Variants in KMT2D observed in about 807,000 individuals in gnomAD.
KMT2D encodes the protein lysine methyltransferase 2D.
In KMT2D, 55 loss-of-function variants were observed where a neutral mutation model predicts 512.7. That is an observed-to-expected ratio of 0.11 (90% CI 0.09 to 0.13). The LOEUF (loss-of-function observed/expected upper bound fraction) is 0.13, where lower values mean the gene tolerates loss of function less well. Ranked by LOEUF, KMT2D falls within the 10% of genes least tolerant of loss-of-function variation. The pLI is 1.00. For missense variants in KMT2D, 6,061 were observed against 7,127.9 expected (o/e 0.85, Z 5.39); for synonymous variants, 2,995 against 2,904.0 (o/e 1.03, Z -1.01).
rs1206274683 is a variant in KMT2D at position 49,021,677 on chromosome 12, A to G, written c.*103T>C. ...GGCTCCGGGTCAGCCGGCAGCCCCA[A>G]CCCTGGGTCCTGGCTCTGGCTGCTA... On this transcript the variant is annotated 3_prime_UTR_variant, in exon 55 of 55. Coordinates refer to ENST00000301067, the MANE Select transcript of KMT2D (RefSeq NM_003482.4). 7 of 1,039,356 alleles carry G rather than the reference A, an allele frequency of 6.7e-6. No homozygotes were observed. The African/African-American group carries it at 9.6e-5, about 14-fold the overall frequency. The allele number at this position is 1,039,356 out of a possible 1,614,324, so 64.4% of individuals were successfully genotyped here. A position where few individuals can be genotyped will look rare whatever the true frequency, so the allele number is the denominator to read the frequency against.
rs2137714782 is a variant in KMT2D at position 49,026,216 on chromosome 12, C to T, written c.15750G>A (p.Leu5250=). The T allele has an allele frequency of 6.3e-7, 1 of 1,596,644 alleles. No homozygotes were observed. Among genetic ancestry groups the T allele is most frequent in the Non-Finnish European group, 8.6e-7 (1 of 1,166,374 alleles). The change falls in exon 49 of 55, where the codon CTG becomes CTA. Residue 5250 remains leucine (L), a synonymous_variant. Transcript: ENST00000301067. This position sits in a 1 kb window ranked among gnomAD's most constrained non-coding sequence, Gnocchi z 9.6. ...EFVIKVIEQG[L]EDLVFTDASP... ...AGGCGTCAGTGAAGACCAGGTCCTC[C>T]AGGCCCTGCTCGATGACTTTGATTA...
At chr12:49,036,475 CTAATTT>C (rs1943222073) in intron 35 of KMT2D, among the ~76,000 whole-genome samples, 1 of 140,764 alleles carries the variant, frequency 7.1e-6, no homozygotes, top group South Asian at 2.3e-4. Context: ...CCACACCCAG[CTAATTT>C]TTTTTTTTTT....
chr12:49,028,598 G>T (rs1942729136), intron 46 of KMT2D, among the ~76,000 whole-genome samples: 2 of 152,176 alleles, frequency 1.3e-5, no homozygotes, highest in Admixed American at 1.3e-4. Flanking sequence ...ACACACACAG[G>T]TGCTCCTTAG....
At chr12:49,049,341 C>T (rs1371958593) in intron 12 of KMT2D, 123 bp from the exon 13 acceptor site, 1 of 665,614 alleles carries the variant, frequency 1.5e-6, no homozygotes, top group African/African-American at 1.8e-5. Context: ...AGGAGTCCCA[C>T]TCAGGGCAAG....
intron 40 of KMT2D, 42 bp from the exon 41 acceptor site, chr12:49,031,075 C>CA: frequency 6.2e-7 from 1 of 1,612,532 alleles, no homozygotes; most frequent in Non-Finnish European, 8.5e-7. Flanking sequence ...CCCTCCTCCT[C>CA]AGAGCCCTCA....
Position 49,041,048 on chromosome 12 carries a change from G to A in KMT2D, c.6722C>T (p.Pro2241Leu). 6.4e-7 allele frequency: 1 copy of A among 1,552,754 alleles called. No individual in the cohort carries two copies. The highest frequency in any genetic ancestry group is 1.2e-5 in the South Asian group (1 of 80,576). The change falls in exon 32 of 55, where the codon CCT (proline) becomes CTT (leucine). Residue 2241 changes from proline to leucine, a missense_variant. Transcript: ENST00000301067. The surrounding 1 kb of genome is among the most constrained non-coding windows in gnomAD (Gnocchi z 5.4). ...PGTPRHQPST[P>L]DPFLKPRCPS... The stretch of plus-strand genomic sequence containing the variant: ...GCAGCGGGGTTTGAGGAATGGGTCA[G>A]GTGTGGAGGGCTGGTGTCTGGGGGT...
rs1157172416 is a variant in KMT2D at position 49,020,479 on chromosome 12, CGGGGGGT to C, written c.*1294_*1300del. 2 of 195,736 alleles carry C rather than the reference CGGGGGGT, an allele frequency of 1.0e-5. No individual in the cohort carries two copies. The highest frequency in any genetic ancestry group is 2.1e-5 in the Non-Finnish European group (2 of 94,280). The allele number at this position is 195,736 out of a possible 1,614,324, so 12.1% of individuals were successfully genotyped here. On this transcript the variant is annotated 3_prime_UTR_variant, in exon 55 of 55. Coordinates refer to ENST00000301067, the MANE Select transcript of KMT2D (RefSeq NM_003482.4). ...TTAGTAGTTTTACATTTGCTCTCCC[CGGGGGGT>C]GGGGGGAGAGGGGAGGGTTCTCACC...
chr12:49,037,510 CTGCTGCTGCTGT>C lies in KMT2D; in HGVS notation c.9834_9845del (p.Gln3279_Gln3282del), dbSNP rs779766443. 1 of 1,556,232 alleles carries C rather than the reference CTGCTGCTGCTGT, an allele frequency of 6.4e-7. No individual in the cohort carries two copies. The highest frequency in any genetic ancestry group is 1.2e-5 in the South Asian group (1 of 84,482). On this transcript the variant is annotated inframe_deletion, in exon 35 of 55. Coordinates refer to ENST00000301067, the MANE Select transcript of KMT2D (RefSeq NM_003482.4). Reference sequence around the variant, plus strand: ...GGCCTGGTGCAGACAGTAGGGAATGCTGCTGCTGCTGTTGCTGCTGCTGCTGGGCAGGCTGCA... The same window carrying C: ...GGCCTGGTGCAGACAGTAGGGAATGCTGCTGCTGCTGCTGGGCAGGCTGCA...
rs371422928 is a variant in KMT2D, at chr12:49,026,471, G to A, written c.15495C>T (p.Ile5165=). The A allele has an allele frequency of 3.7e-5, 59 of 1,613,782 alleles. No homozygotes were observed. The highest frequency in any genetic ancestry group is 6.6e-5 in the South Asian group (6 of 91,092). The stretch of plus-strand genomic sequence containing the variant: ...GTTCTCCCCGCTGAATGATGCTAGC[G>A]ATTTGCTTCACCTCGTCCCGCTCAA... ...VYIERDEVKQ[I]ASIIQRGERL... is the part of the protein sequence containing the mutation. Residue 5165 remains isoleucine, a synonymous_variant, in exon 49 of 55, where the codon ATC becomes ATT. Coordinates refer to ENST00000301067, the MANE Select transcript of KMT2D (RefSeq NM_003482.4). The surrounding 1 kb of genome is among the most constrained non-coding windows in gnomAD (Gnocchi z 9.6).
rs565042425 is a variant in KMT2D at position 49,051,342 on chromosome 12, C to A, written c.2341G>T (p.Ala781Ser). ...SPQPEEPCLC[A>S]VPEEPHLSPQ... Reference sequence around the variant, plus strand: ...GACAAGTGTGGCTCCTCAGGCACAGCGCATAGGCATGGCTCCTCAGGCTGG... The same window carrying A: ...GACAAGTGTGGCTCCTCAGGCACAGAGCATAGGCATGGCTCCTCAGGCTGG... Residue 781 changes from alanine (A) to serine (S), a missense_variant, in exon 11 of 55, where the codon GCT becomes TCT. Around this residue, in one of 16 missense-constraint regions of KMT2D, gnomAD observed 848 missense variants for 838.5 expected, o/e 1.01. Transcript: ENST00000301067. 1.3e-6 allele frequency: 2 copies of A among 1,562,238 alleles called. No homozygotes were observed. Among genetic ancestry groups the A allele is most frequent in the South Asian group, 1.1e-5 (1 of 88,430 alleles).
Position 49,039,092 on chromosome 12 carries a change from A to G in KMT2D, c.8367-103T>C, listed in dbSNP as rs1736498387. 1 of 1,519,608 alleles carries G rather than the reference A, an allele frequency of 6.6e-7. No homozygotes were observed. Among genetic ancestry groups the G allele is most frequent in the Non-Finnish European group, 9.1e-7 (1 of 1,101,818 alleles). 94.1% of individuals were successfully genotyped at this position (1,519,608 alleles called of 1,614,324 possible). ...GGATAGAATTAATGCAGTGAGGGAGAAAAGGAATGAGGAAGAAGAGAAAGT... is the reference window on the plus strand; with the variant it reads ...GGATAGAATTAATGCAGTGAGGGAGGAAAGGAATGAGGAAGAAGAGAAAGT... On this transcript the variant is annotated intron_variant, in intron 34 of 54. Coordinates refer to ENST00000301067, the MANE Select transcript of KMT2D (RefSeq NM_003482.4). This position sits in a 1 kb window ranked among gnomAD's most constrained non-coding sequence, Gnocchi z 5.0.
Position 49,043,662 on chromosome 12 carries a change from T to C in KMT2D, c.5440A>G (p.Arg1814Gly), listed in dbSNP as rs574854514. ...PKAKGDGGSE[R>G]KELPTSQKGD... is the part of the protein sequence containing the mutation. ...TTCTGCGATGTGGGGAGTTCCTTCC[T>C]TTCTGAGCCTCCATCTCCCTTGGCT... The change falls in exon 24 of 55, where the codon AGG becomes GGG. Residue 1814 changes from arginine to glycine, a missense_variant. Transcript: ENST00000301067. 13 of 1,614,034 alleles carry C rather than the reference T, an allele frequency of 8.1e-6. No homozygotes were observed. The East Asian group carries it at 2.9e-4, about 36-fold the overall frequency.
chr12:49,022,245 GACCACTAAATCCCT>G lies in KMT2D; in HGVS notation c.16412+21_16412+34del, dbSNP rs771463671. The G allele has an allele frequency of 1.3e-6, 2 of 1,593,162 alleles. No individual in the cohort carries two copies. Among genetic ancestry groups the G allele is most frequent in the Admixed American group, 3.4e-5 (2 of 59,026 alleles). ...TATCCCCCAGAGTGCCACTCTCAGG[GACCACTAAATCCCT>G]CCTTCCTCGTCATCTCTCACCTGGC... On this transcript the variant is annotated intron_variant, in intron 53 of 54. Transcript: ENST00000301067. This position sits in a 1 kb window ranked among gnomAD's most constrained non-coding sequence, Gnocchi z 8.6.
chr12:49,038,081 C>G lies in KMT2D; in HGVS notation c.9275G>C (p.Gly3092Ala). 3 of 1,613,624 alleles carry G rather than the reference C, an allele frequency of 1.9e-6. No homozygotes were observed. In the South Asian group the frequency reaches 3.3e-5, roughly 18 times the overall value. The change falls in exon 35 of 55, where the codon GGA (glycine) becomes GCA (alanine). Residue 3092 changes from glycine to alanine, a missense_variant. This residue lies in a region of KMT2D where 533 missense variants were observed against 539.6 expected (regional missense o/e 0.99). Transcript: ENST00000301067. This position sits in a 1 kb window ranked among gnomAD's most constrained non-coding sequence, Gnocchi z 5.7. Reference protein sequence around the residue: ...REALLRGVEPGPLGPEERPPP... With the variant: ...REALLRGVEPAPLGPEERPPP... The stretch of plus-strand genomic sequence containing the variant: ...AGGGCGCTCCTCAGGGCCCAAGGGT[C>G]CTGGCTCCACCCCCCGCAGCAGGGC...
At position 49,042,710 on chromosome 12, in the gene KMT2D, T is replaced by G; in HGVS notation, c.5782+31A>C. 6.2e-7 allele frequency: 1 copy of G among 1,609,234 alleles called. No homozygotes were observed. Among genetic ancestry groups the G allele is most frequent in the South Asian group, 1.1e-5 (1 of 90,874 alleles). ...CATCCTGGAGGCAAGCTTGGTTATGTCAGTCTTCAGACCACTCCCACCTGT... is the reference window on the plus strand; with the variant it reads ...CATCCTGGAGGCAAGCTTGGTTATGGCAGTCTTCAGACCACTCCCACCTGT... On this transcript the variant is annotated intron_variant, in intron 27 of 54. Coordinates refer to ENST00000301067, the MANE Select transcript of KMT2D (RefSeq NM_003482.4). The surrounding 1 kb of genome is among the most constrained non-coding windows in gnomAD (Gnocchi z 4.4).
At chr12:49,057,141 G>C (rs1388975800) in intron 1 of KMT2D, among the ~76,000 whole-genome samples, 1 of 152,176 alleles carries the variant, frequency 6.6e-6, no homozygotes, top group Non-Finnish European at 1.5e-5. Context: ...ATGGGAAGTG[G>C]GAGGTGGAGA....
rs111924728 is a variant in KMT2D at position 49,043,970 on chromosome 12, G to A, written c.5217C>T (p.Gly1739=). 4.5e-3 allele frequency: 7,199 copies of A among 1,613,946 alleles called. 176 individuals are homozygous for A. In the African/African-American group the frequency reaches 0.065, roughly 15 times the overall value. ...EVIPADLPAE[G]AVEQSLAEGD... ...CTTCAGCTAAGCTCTGCTCCACGGCGCCCTCTGCAGGCAGGTCAGCAGGTA... is the reference window on the plus strand; with the variant it reads ...CTTCAGCTAAGCTCTGCTCCACGGCACCCTCTGCAGGCAGGTCAGCAGGTA... Residue 1739 remains glycine, a synonymous_variant, in exon 23 of 55, where the codon GGC becomes GGT. Transcript: ENST00000301067.
Position 49,024,163 on chromosome 12 carries a change from C to T in KMT2D, c.16052+415G>A, listed in dbSNP as rs190097014. 1.8e-3 allele frequency: 796 copies of T among 448,666 alleles called. 2 individuals carry two copies. Among genetic ancestry groups the T allele is most frequent in the Non-Finnish European group, 2.6e-3 (599 of 227,212 alleles). The allele number at this position is 448,666 out of a possible 1,614,324, so 27.8% of individuals were successfully genotyped here. A position where few individuals can be genotyped will look rare whatever the true frequency, so the allele number is the denominator to read the frequency against. On this transcript the variant is annotated intron_variant, in intron 51 of 54. Transcript: ENST00000301067. This position sits in a 1 kb window ranked among gnomAD's most constrained non-coding sequence, Gnocchi z 4.5. ...AGGTTTTATTATTTTTCTATTATATCTCTAACTATTTATTTTTGACACCAA... is the reference window on the plus strand; with the variant it reads ...AGGTTTTATTATTTTTCTATTATATTTCTAACTATTTATTTTTGACACCAA...
intron 19 of KMT2D, among the ~76,000 whole-genome samples, chr12:49,045,485 A>G (rs1943740208): frequency 6.6e-6 from 1 of 152,092 alleles, no homozygotes; most frequent in Non-Finnish European, 1.5e-5. Context: ...CTACTAAAAA[A>G]TACAAAAAAT....
Sources: allele counts gnomAD v4.1 joint callset (sites outside exome capture counted in the v4.1 genomes callset), GRCh38; gene constraint gnomAD v4.1.1; regional missense constraint gnomAD v4.1.1; non-coding constraint Gnocchi (gnomAD v3.1); transcripts MANE v1.5; gene names NCBI Gene and HGNC (gene_info 2026-07-23, HGNC 2026-07-21).